KIAA2012: variants seen among roughly 807,000 people sequenced by gnomAD.
KIAA2012 encodes the protein uncharacterized protein KIAA2012.
In KIAA2012, 125 loss-of-function variants were observed where a neutral mutation model predicts 150.6. The ratio of observed to expected loss-of-function variants is 0.83; its 90% confidence interval spans 0.72 to 0.96. KIAA2012 has a LOEUF of 0.96. KIAA2012 is among the 40% of genes least tolerant of loss of function. KIAA2012 has a pLI of 0.00. For synonymous variants in KIAA2012, 462 were observed against 504.7 expected (o/e 0.92, Z 1.13); for missense variants, 1,219 against 1,354.9 (o/e 0.90, Z 1.57).
intron 13 of KIAA2012, 70 bp downstream of exon 13, chr2:202,138,578 G>C: frequency 8.4e-7 from 1 of 1,188,348 alleles, no homozygotes; most frequent in Non-Finnish European, 1.2e-6. Context: ...TCAGCTTGCT[G>C]TGTGCCCCTC....
At chr2:202,100,593 G>A in intron 7 of KIAA2012, 144 bp downstream of exon 7, 1 of 919,990 alleles carries the variant, frequency 1.1e-6, no homozygotes, top group East Asian at 2.7e-5. Context: ...CTGACCAGGT[G>A]GAGCTGAATA....
intron 17 of KIAA2012, 115 bp downstream of exon 17, chr2:202,187,213 A>AG: frequency 8.5e-7 from 1 of 1,181,590 alleles, no homozygotes; most frequent in South Asian, 1.7e-5. Context: ...AAAGGGGATG[A>AG]GGGGGGCACT....
At chr2:202,126,471 C>T (rs946975821) in intron 12 of KIAA2012, among the ~76,000 whole-genome samples, 1 of 152,232 alleles carries the variant, frequency 6.6e-6, no homozygotes, top group African/African-American at 2.4e-5. Context: ...GTCTGGCCCT[C>T]TGCATTCCCC....
intron 12 of KIAA2012, chr2:202,138,027 T>G (rs1691115375): frequency 1.9e-5 from 3 of 158,048 alleles, no homozygotes; most frequent in Admixed American, 1.9e-4. Flanking sequence ...ATTTGGAAGT[T>G]TGCAGAAGCC....
chr2:202,103,687 T>C (rs2105923443), intron 8 of KIAA2012, among the ~76,000 whole-genome samples: 1 of 152,362 alleles, frequency 6.6e-6, no homozygotes, highest in East Asian at 1.9e-4. Context: ...AATTAGGTTA[T>C]TTTGTAAGGG....
At chr2:202,204,223 C>T (rs1021148195) in intron 23 of KIAA2012, among the ~76,000 whole-genome samples, 3 of 151,966 alleles carry the variant, frequency 2.0e-5, no homozygotes, top group Admixed American at 6.6e-5. Flanking sequence ...ACTATAGGCA[C>T]GTACCACCAC....
At chr2:202,118,995 T>C (rs1173802576) in intron 11 of KIAA2012, among the ~76,000 whole-genome samples, 1 of 152,202 alleles carries the variant, frequency 6.6e-6, no homozygotes, top group African/African-American at 2.4e-5. Flanking sequence ...AGAAGAAACA[T>C]GTCAAGAATA....
chr2:202,172,424 G>A (rs1051588720), intron 15 of KIAA2012, among the ~76,000 whole-genome samples: 4 of 152,226 alleles, frequency 2.6e-5, no homozygotes, highest in African/African-American at 4.8e-5. Flanking sequence ...CGAAATTATG[G>A]CAGTATGTTT....
intron 2 of KIAA2012, among the ~76,000 whole-genome samples, 152 bp from the exon 3 acceptor site, chr2:202,090,618 C>T (rs977565242): frequency 4.6e-5 from 7 of 152,240 alleles, no homozygotes; most frequent in Non-Finnish European, 8.8e-5. Flanking sequence ...GCTCTTGGTT[C>T]ATGTCTATTA....
chr2:202,085,617 A>C (rs1689548563), intron 2 of KIAA2012, among the ~76,000 whole-genome samples: 1 of 152,220 alleles, frequency 6.6e-6, no homozygotes, highest in Admixed American at 6.5e-5. Context: ...TTAGCCAGTG[A>C]GACCCATTTT....
At chr2:202,122,158 G>A (rs1380822483) in intron 11 of KIAA2012, among the ~76,000 whole-genome samples, 2 of 152,256 alleles carry the variant, frequency 1.3e-5, no homozygotes, top group African/African-American at 4.8e-5. Flanking sequence ...TTGTATGCCA[G>A]GAGAGAGCCA....
chr2:202,158,684 C>T (rs1484612340), intron 14 of KIAA2012, among the ~76,000 whole-genome samples: 2 of 150,876 alleles, frequency 1.3e-5, no homozygotes, highest in South Asian at 4.2e-4. Flanking sequence ...TTTTCTAAAT[C>T]AAAAAAGAAA....
chr2:202,184,320 G>A (rs1235088456), intron 15 of KIAA2012, among the ~76,000 whole-genome samples: 1 of 151,546 alleles, frequency 6.6e-6, no homozygotes, highest in Admixed American at 6.6e-5. Context: ...GGAGACAGAG[G>A]GTGCACTGAC....
chr2:202,084,382 A>C (rs1689516226), intron 2 of KIAA2012, among the ~76,000 whole-genome samples: 1 of 152,204 alleles, frequency 6.6e-6, no homozygotes, highest in African/African-American at 2.4e-5. Context: ...AGGGACAGTT[A>C]CACAGGAGTC....
At chr2:202,177,332 A>G (rs1164658659) in intron 15 of KIAA2012, among the ~76,000 whole-genome samples, 2 of 152,192 alleles carry the variant, frequency 1.3e-5, no homozygotes, top group East Asian at 3.8e-4. Flanking sequence ...AATTGAAGAG[A>G]CTGATTACCT....
At chr2:202,140,963 C>T (rs894809176) in intron 13 of KIAA2012, among the ~76,000 whole-genome samples, 12 of 152,162 alleles carry the variant, frequency 7.9e-5, no homozygotes, top group African/African-American at 2.2e-4. Context: ...GCTAGCTGAG[C>T]GAGGGGAAGA....
In KIAA2012 at chr2:202,103,127, T is replaced by C. The variant is rs376509864; in HGVS notation, c.1324+13T>C. 748 of 1,549,716 alleles carry C rather than the reference T, an allele frequency of 4.8e-4. 7 individuals carry two copies. In the South Asian group the frequency reaches 8.4e-3, roughly 17 times the overall value. ...GCCCACAGAAGAGGTAGGTCCCGGG[T>C]GCATGGGCACTCCTGAGGGAGAGCC... On this transcript the variant is annotated intron_variant, in intron 8 of 23. Coordinates refer to ENST00000498697, the MANE Select transcript of KIAA2012 (RefSeq NM_001277372.4).
chr2:202,148,139 G>A (rs1188458999), intron 13 of KIAA2012, among the ~76,000 whole-genome samples: 2 of 152,200 alleles, frequency 1.3e-5, no homozygotes, highest in African/African-American at 4.8e-5. Flanking sequence ...TGGAATGAAA[G>A]TGTCCAGAGT....
chr2:202,189,815 G>A (rs891213003), intron 18 of KIAA2012, among the ~76,000 whole-genome samples: 1 of 152,098 alleles, frequency 6.6e-6, no homozygotes, highest in African/African-American at 2.4e-5. Context: ...AAAGGGGCCA[G>A]GCACGGTGGC....
Sources: allele counts gnomAD v4.1 joint callset (sites outside exome capture counted in the v4.1 genomes callset), GRCh38; gene constraint gnomAD v4.1.1; transcripts MANE v1.5; gene names NCBI Gene and HGNC (gene_info 2026-07-23, HGNC 2026-07-21).